The following CSMD1 variants were observed in gnomAD, a reference collection of about 807,000 sequenced individuals.
The protein encoded by CSMD1 is CUB and Sushi multiple domains 1.
CSMD1 carries 213 observed loss-of-function variants against 417.5 expected under a neutral mutation model. The observed-to-expected ratio is 0.51, with a 90% CI of 0.46 to 0.57. The LOEUF is 0.57. Among genes scored for constraint, CSMD1 ranks in the 20% least tolerant of loss-of-function variants. The pLI, the probability that CSMD1 is intolerant of heterozygous loss-of-function variation, is 0.00. For synonymous variants in CSMD1, 2,862 were observed against 1,736.8 expected, an observed-to-expected ratio of 1.65 and a Z score of -16.11; for missense variants, 6,923 against 4,529.7, an observed-to-expected ratio of 1.53 and a Z score of -15.17.
At chr8:4,459,239 C>G (rs1737916785) in intron 2 of CSMD1, among the ~76,000 whole-genome samples, 1 of 152,184 alleles carries the variant, frequency 6.6e-6, no homozygotes, top group Non-Finnish European at 1.5e-5. Context: ...ATGGGAGGCT[C>G]AACTCCAGAA....
rs532952568 is a variant in CSMD1 at position 3,454,776 on chromosome 8, G to C, written c.1561+13936C>G. Among the ~76,000 whole-genome samples, 14 of 152,106 alleles carry C rather than the reference G, an allele frequency of 9.2e-5. 1 individual carries two copies. The highest frequency in any genetic ancestry group is 1.8e-4 in the Non-Finnish European group (12 of 68,020). ...TCTTCATCTCTACTTTGCTGAATCT[G>C]ACAATTATGTGTCTTTGAGTTGCTC... On this transcript the variant is annotated intron_variant, in intron 12 of 69. Transcript: ENST00000635120.
intron 5 of CSMD1, among the ~76,000 whole-genome samples, chr8:3,862,675 A>G (rs1404995678): frequency 6.6e-6 from 1 of 152,202 alleles, no homozygotes; most frequent in Non-Finnish European, 1.5e-5. Context: ...TTTGCATTCA[A>G]CGTGCTTTTC....
At chr8:3,604,755 G>C (rs545334971) in intron 8 of CSMD1, among the ~76,000 whole-genome samples, 1 of 152,156 alleles carries the variant, frequency 6.6e-6, no homozygotes, top group East Asian at 1.9e-4. Context: ...TGGACACATG[G>C]GCATAACCTG....
chr8:3,020,239 A>G (rs1809250669), intron 51 of CSMD1, among the ~76,000 whole-genome samples: 1 of 152,256 alleles, frequency 6.6e-6, no homozygotes, highest in African/African-American at 2.4e-5. Flanking sequence ...AGCAGGCTTA[A>G]TCAGGGTTAA....
rs571487760 is a variant in CSMD1 at position 4,745,435 on chromosome 8, AG to A, written c.86-107878del. 3.7e-3 allele frequency among the ~76,000 whole-genome samples: 559 copies of A among 152,324 alleles called. 1 individual carries two copies. Among genetic ancestry groups the A allele is most frequent in the Middle Eastern group, 6.8e-3 (2 of 294 alleles). ...TAGCTCTCAAAGAATGACTATGTAT[AG>A]TATTGAAAGAAAGCTCTCTTAGATA... On this transcript the variant is annotated intron_variant, in intron 1 of 69. Coordinates refer to ENST00000635120, the MANE Select transcript of CSMD1 (RefSeq NM_033225.6).
chr8:3,404,041 G>T (rs997204028), intron 15 of CSMD1, among the ~76,000 whole-genome samples: 1 of 152,146 alleles, frequency 6.6e-6, no homozygotes, highest in East Asian at 1.9e-4. Context: ...GTGAACATCA[G>T]AATACCCTCC....
Position 4,565,337 on chromosome 8 carries a change from C to T in CSMD1, c.302+72005G>A, listed in dbSNP as rs561805627. Among the ~76,000 whole-genome samples, 3 of 152,248 alleles carry T rather than the reference C, an allele frequency of 2.0e-5. 1 individual carries two copies. The highest frequency in any genetic ancestry group is 7.2e-5 in the African/African-American group (3 of 41,544). On this transcript the variant is annotated intron_variant, in intron 2 of 69. Coordinates refer to ENST00000635120, the MANE Select transcript of CSMD1 (RefSeq NM_033225.6). ...TAGGCAGTGATGGCTAACCAGTCTG[C>T]CTAAAAATGGCTTGTAACAAGCCAT... is the stretch of plus-strand genomic sequence containing the variant.
chr8:4,737,793 G>C (rs143625618), intron 1 of CSMD1, among the ~76,000 whole-genome samples: 74 of 152,262 alleles, frequency 4.9e-4, no homozygotes, highest in African/African-American at 1.7e-3. Flanking sequence ...TAGTTCTTTG[G>C]ACAATGGTAG....
chr8:3,608,950 A>G (rs1209614498), intron 8 of CSMD1, among the ~76,000 whole-genome samples: 16 of 152,128 alleles, frequency 1.1e-4, no homozygotes, highest in Admixed American at 1.0e-3. Context: ...GCTCAAGGGC[A>G]AATTTCAACC....
chr8:4,982,626 T>C (rs1810958524), intron 1 of CSMD1, among the ~76,000 whole-genome samples: 2 of 152,236 alleles, frequency 1.3e-5, no homozygotes. Flanking sequence ...GAAGAAATGA[T>C]AGTCACTTCA....
chr8:4,330,376 C>T (rs535996785), intron 3 of CSMD1, among the ~76,000 whole-genome samples: 1 of 152,076 alleles, frequency 6.6e-6, no homozygotes, highest in South Asian at 2.1e-4. Context: ...AGGCAGATCA[C>T]TTGAGGTCAG....
At chr8:4,950,343 A>G (rs1030827495) in intron 1 of CSMD1, among the ~76,000 whole-genome samples, 5 of 152,212 alleles carry the variant, frequency 3.3e-5, no homozygotes, top group Admixed American at 3.3e-4. Flanking sequence ...TCTTTAAAAG[A>G]CAGATTTTCA....
At chr8:3,098,650 C>T (rs1317011990) in intron 46 of CSMD1, among the ~76,000 whole-genome samples, 4 of 152,224 alleles carry the variant, frequency 2.6e-5, no homozygotes, top group Non-Finnish European at 4.4e-5. Context: ...GTGACCTCAT[C>T]GCTTTGTAAA....
intron 2 of CSMD1, among the ~76,000 whole-genome samples, chr8:4,434,420 C>T (rs571999021): frequency 6.6e-6 from 1 of 152,156 alleles, no homozygotes; most frequent in African/African-American, 2.4e-5. Flanking sequence ...GCACAAGCCA[C>T]TTTTTGAACT....
chr8:3,921,179 G>A (rs1809226969), intron 5 of CSMD1, among the ~76,000 whole-genome samples: 1 of 152,034 alleles, frequency 6.6e-6, no homozygotes, highest in East Asian at 1.9e-4. Flanking sequence ...GTTTATTTAC[G>A]ATTCATCTTG....
At chr8:4,285,342 G>A (rs1021563955) in intron 3 of CSMD1, among the ~76,000 whole-genome samples, 5 of 152,050 alleles carry the variant, frequency 3.3e-5, no homozygotes, top group African/African-American at 1.2e-4. Context: ...ATTTCATTTA[G>A]AACTCCCATC....
At chr8:4,736,089 T>A (rs548722902) in intron 1 of CSMD1, among the ~76,000 whole-genome samples, 3 of 152,320 alleles carry the variant, frequency 2.0e-5, no homozygotes, top group African/African-American at 7.2e-5. Flanking sequence ...CTGATTTTCA[T>A]TGGAAAGCTT....
At chr8:4,412,502 G>A (rs758959256) in intron 3 of CSMD1, among the ~76,000 whole-genome samples, 6 of 152,254 alleles carry the variant, frequency 3.9e-5, no homozygotes, top group East Asian at 1.9e-4. Context: ...CTGCAGAACT[G>A]TGAACCAATT....
intron 2 of CSMD1, among the ~76,000 whole-genome samples, chr8:4,599,492 A>G (rs1800469285): frequency 6.6e-6 from 1 of 152,158 alleles, no homozygotes; most frequent in Non-Finnish European, 1.5e-5. Flanking sequence ...TGGAACTTCT[A>G]AATTATATAA....
Sources: allele counts gnomAD v4.1 joint callset (sites outside exome capture counted in the v4.1 genomes callset), GRCh38; gene constraint gnomAD v4.1.1; transcripts MANE v1.5; gene names NCBI Gene and HGNC (gene_info 2026-07-23, HGNC 2026-07-21).